HDAC9: variants seen among roughly 807,000 people sequenced by gnomAD.
The protein encoded by HDAC9 is MEF-2 interacting transcription repressor (MITR) protein.
HDAC9 carries 41 observed loss-of-function variants against 139.4 expected under a neutral mutation model. The ratio of observed to expected loss-of-function variants is 0.29; its 90% CI spans 0.23 to 0.38. The LOEUF (loss-of-function observed/expected upper bound fraction) is 0.38. HDAC9 is among the 10% of genes least tolerant of loss of function. The pLI is 1.00. For synonymous variants in HDAC9, 517 were observed against 476.2 expected (o/e 1.09, Z -1.12); for missense variants, 1,147 against 1,297.0 (o/e 0.88, Z 1.78).
chr7:18,400,454 C>A (rs543407855), intron 1 of HDAC9, among the ~76,000 whole-genome samples: 1 of 152,218 alleles, frequency 6.6e-6, no homozygotes, highest in South Asian at 2.1e-4. Context: ...AAGCATGTTG[C>A]TGTAGAAACT....
In HDAC9 at chr7:18,593,955, G is replaced by T. The variant is rs775024878; in HGVS notation, c.590G>T (p.Gly197Val). 21 of 1,612,724 alleles carry T rather than the reference G, an allele frequency of 1.3e-5. No individual in the cohort carries two copies. Among genetic ancestry groups the T allele is most frequent in the Non-Finnish European group, 1.8e-5 (21 of 1,179,088 alleles). The change falls in exon 6 of 26, where the codon GGA becomes GTA. Residue 197 changes from glycine to valine, a missense_variant. Around this residue, in one of 7 missense-constraint regions of HDAC9, gnomAD observed 79 missense variants for 65.8 expected, o/e 1.20. Coordinates refer to ENST00000686413, the MANE Select transcript of HDAC9 (RefSeq NM_178425.4). ...SLDQSSPPLS[G>V]TSPSYKYTLP... ...GATCAAAGCTCTCCACCCCTTAGTG[G>T]AACATCTCCATCCTACAAGTACACA... is the stretch of plus-strand genomic sequence containing the variant.
At chr7:18,748,670 A>C (rs1321290090) in intron 13 of HDAC9, among the ~76,000 whole-genome samples, 1 of 152,230 alleles carries the variant, frequency 6.6e-6, no homozygotes, top group Admixed American at 6.5e-5. Flanking sequence ...CCTAAAAACA[A>C]TTCATAATGA....
At chr7:18,713,433 G>T (rs1784484806) in intron 12 of HDAC9, among the ~76,000 whole-genome samples, 1 of 152,084 alleles carries the variant, frequency 6.6e-6, no homozygotes, top group Admixed American at 6.6e-5. Flanking sequence ...AGTACGTGAG[G>T]TAACATATAT....
At chr7:18,270,286 G>A (rs1013853618) in intron 2 of HDAC9, among the ~76,000 whole-genome samples, 17 of 89,832 alleles carry the variant, frequency 1.9e-4, no homozygotes, top group African/African-American at 6.1e-4. Flanking sequence ...ATAAATGTTT[G>A]TAGAAATTAA....
At chr7:18,949,836 C>A (rs998756443) in intron 23 of HDAC9, 15 of 151,948 alleles carry the variant, frequency 9.9e-5, no homozygotes, top group Admixed American at 7.9e-4. Context: ...AACAAACACA[C>A]AGGACAGAAT....
intron 13 of HDAC9, among the ~76,000 whole-genome samples, chr7:18,735,315 C>G (rs183770481): frequency 6.6e-6 from 1 of 152,218 alleles, no homozygotes; most frequent in Non-Finnish European, 1.5e-5. Context: ...TTGCCCATGC[C>G]TATGGCCTGA....
At chr7:18,188,804 G>T (rs1735864646) in intron 2 of HDAC9, among the ~76,000 whole-genome samples, 1 of 150,558 alleles carries the variant, frequency 6.6e-6, no homozygotes, top group Admixed American at 6.7e-5. Flanking sequence ...ACTATCTCAT[G>T]CCAGTTAGAA....
intron 2 of HDAC9, among the ~76,000 whole-genome samples, chr7:18,545,052 C>T (rs1814318526): frequency 6.6e-6 from 1 of 152,094 alleles, no homozygotes; most frequent in South Asian, 2.1e-4. Context: ...GAGCAGCTCC[C>T]CCACAACAAA....
chr7:18,749,256 T>A (rs1584968936), intron 14 of HDAC9, 118 bp downstream of exon 14: 1 of 1,055,402 alleles, frequency 9.5e-7, no homozygotes, highest in East Asian at 2.6e-5. Flanking sequence ...CCATGATTGA[T>A]GAACCATCAT....
At chr7:18,182,940 G>T (rs1789572552) in intron 2 of HDAC9, among the ~76,000 whole-genome samples, 1 of 151,894 alleles carries the variant, frequency 6.6e-6, no homozygotes, top group African/African-American at 2.4e-5. Context: ...AGAGGGACAA[G>T]ACTAAATGTC....
At chr7:18,264,890 G>A (rs1013351966) in intron 2 of HDAC9, among the ~76,000 whole-genome samples, 1 of 152,072 alleles carries the variant, frequency 6.6e-6, no homozygotes, top group African/African-American at 2.4e-5. Context: ...AAAAACATTG[G>A]CAGTATATCT....
At chr7:18,407,946 T>C (rs12374816) in intron 1 of HDAC9, among the ~76,000 whole-genome samples, 3,606 of 152,266 alleles carry the variant, frequency 0.024, 58 homozygotes, top group East Asian at 0.075. Flanking sequence ...CACTTTGGAT[T>C]CTAATGGAGT....
At chr7:18,992,741 G>T (rs1786086874) in intron 25 of HDAC9, among the ~76,000 whole-genome samples, 1 of 151,880 alleles carries the variant, frequency 6.6e-6, no homozygotes, top group South Asian at 2.1e-4. Context: ...TCTTATGGCT[G>T]TTGGAGTGAA....
At chr7:18,422,159 TAA>T (rs972663951) in intron 1 of HDAC9, among the ~76,000 whole-genome samples, 4 of 152,338 alleles carry the variant, frequency 2.6e-5, no homozygotes, top group Admixed American at 2.6e-4. Flanking sequence ...CCAAGCACAC[TAA>T]AGACTTTTTC....
chr7:18,937,152 G>A (rs1422449265), intron 23 of HDAC9, among the ~76,000 whole-genome samples: 1 of 146,640 alleles, frequency 6.8e-6, no homozygotes, highest in Non-Finnish European at 1.5e-5. Context: ...TGATTCCCCT[G>A]CCTCAGCCAC....
chr7:18,907,390 A>C (rs1802357721), intron 22 of HDAC9, among the ~76,000 whole-genome samples: 1 of 152,240 alleles, frequency 6.6e-6, no homozygotes. Context: ...TTAATTCACG[A>C]GTGATGAAGT....
intron 2 of HDAC9, among the ~76,000 whole-genome samples, chr7:18,549,671 C>A (rs551477864): frequency 6.6e-6 from 1 of 151,922 alleles, no homozygotes. Context: ...CTAGGTGAAG[C>A]TTTCACAGGA....
intron 17 of HDAC9, among the ~76,000 whole-genome samples, chr7:18,810,043 AAG>A (rs1794052582): frequency 6.6e-6 from 1 of 151,964 alleles, no homozygotes; most frequent in Non-Finnish European, 1.5e-5. Flanking sequence ...AGCCTTTAAA[AAG>A]AAGGAAATTT....
At chr7:18,452,567 G>T (rs1317206493) in intron 1 of HDAC9, among the ~76,000 whole-genome samples, 1 of 152,138 alleles carries the variant, frequency 6.6e-6, no homozygotes, top group African/African-American at 2.4e-5. Context: ...AATTGATATG[G>T]TTTGGCTGTG....
Sources: gnomAD v4.1 joint callset for allele counts (sites outside exome capture counted in the v4.1 genomes callset) on GRCh38, gnomAD v4.1.1 for gene constraint, gnomAD v4.1.1 regional missense constraint, MANE v1.5 for transcripts, NCBI Gene and HGNC (gene_info 2026-07-23, HGNC 2026-07-21) for gene names.